The following C19orf47 variants were observed in gnomAD, a reference collection of about 807,000 sequenced individuals.
C19orf47 encodes the protein uncharacterized protein C19orf47.
In C19orf47, 18 loss-of-function variants were observed where a neutral mutation model predicts 32.3. The observed-to-expected ratio is 0.56, with a 90% CI of 0.39 to 0.83. The LOEUF (loss-of-function observed/expected upper bound fraction) is 0.83. Ranked by LOEUF, C19orf47 falls within the 40% of genes least tolerant of loss-of-function variation. The pLI, the probability that C19orf47 is intolerant of heterozygous loss-of-function variation, is 0.00. For synonymous variants in C19orf47, 202 were observed against 211.1 expected (o/e 0.96, Z 0.37); for missense variants, 484 against 531.6 (o/e 0.91, Z 0.88).
chr19:40,344,549 A>C (rs1296880645), intron 1 of C19orf47, among the ~76,000 whole-genome samples: 2 of 152,174 alleles, frequency 1.3e-5, no homozygotes, highest in Non-Finnish European at 2.9e-5. Context: ...AGGTCTCAGT[A>C]AGTCAGACAG....
intron 8 of C19orf47, among the ~76,000 whole-genome samples, chr19:40,322,737 C>T (rs1017957232): frequency 3.3e-5 from 5 of 152,198 alleles, no homozygotes; most frequent in African/African-American, 7.2e-5. Context: ...ATTCACTCCA[C>T]GAATATTTTG....
intron 1 of C19orf47, among the ~76,000 whole-genome samples, chr19:40,346,441 TCAAA>T (rs1182928077): frequency 7.1e-4 from 63 of 89,258 alleles, no homozygotes; most frequent in African/African-American, 2.4e-3. Flanking sequence ...AGACCTTGTC[TCAAA>T]TAAATAAATA....
At chr19:40,304,463 G>A in the C19orf47 span, among the ~76,000 whole-genome samples, 1 of 152,112 alleles carries the variant, frequency 6.6e-6, no homozygotes, top group Non-Finnish European at 1.5e-5. Flanking sequence ...CTGGAGGTTG[G>A]CACCACGCCC....
chr19:40,342,972 G>A (rs554327411), intron 1 of C19orf47, among the ~76,000 whole-genome samples: 9 of 152,302 alleles, frequency 5.9e-5, no homozygotes, highest in African/African-American at 1.9e-4. Context: ...ATGGTAGAAA[G>A]GTGGTGTTAA....
chr19:40,330,104 T>C (rs560301438), intron 5 of C19orf47, among the ~76,000 whole-genome samples: 17 of 152,332 alleles, frequency 1.1e-4, no homozygotes, highest in African/African-American at 4.1e-4. Flanking sequence ...CATCATTCAA[T>C]GTTCTAAAGT....
rs2077721557 is a variant in C19orf47 at position 40,321,747 on chromosome 19, G to A, written c.*135C>T. On this transcript the variant is annotated 3_prime_UTR_variant, in exon 9 of 9. Transcript: ENST00000683109. ...AATGGGGTGATCCCCCGAATGCTCG[G>A]GCCTAGCTCTAGAGCCCGAGGGAGA... 7 of 1,434,866 alleles carry A rather than the reference G, an allele frequency of 4.9e-6. No individual in the cohort carries two copies. Among genetic ancestry groups the A allele is most frequent in the South Asian group, 3.0e-5 (2 of 66,410 alleles). The allele number at this position is 1,434,866 out of a possible 1,614,324, so 88.9% of individuals were successfully genotyped here. A position where few individuals can be genotyped will look rare whatever the true frequency, so the allele number is the denominator to read the frequency against.
chr19:40,324,107 GC>G (rs776165874), intron 7 of C19orf47, 31 bp from the exon 8 acceptor site: 1 of 1,610,918 alleles, frequency 6.2e-7, no homozygotes, highest in South Asian at 1.1e-5. Flanking sequence ...TCAGGGAGAG[GC>G]CCCGGTGGGC....
intron 6 of C19orf47, among the ~76,000 whole-genome samples, chr19:40,326,813 T>C (rs1314857422): frequency 1.3e-5 from 2 of 152,086 alleles, no homozygotes; most frequent in Non-Finnish European, 2.9e-5. Context: ...GTTCTAGAGC[T>C]CCAAGCAGGC....
rs887341225 is a variant in C19orf47 at position 40,320,967 on chromosome 19, T to A, written c.*915A>T. ...ATGTGTGTGCAGGAAGCCTGACCTTTAGAGACACAGCCCAATCCTCTGCCA... is the reference window on the plus strand; with the variant it reads ...ATGTGTGTGCAGGAAGCCTGACCTTAAGAGACACAGCCCAATCCTCTGCCA... On this transcript the variant is annotated 3_prime_UTR_variant, in exon 9 of 9. Transcript: ENST00000683109. The A allele has an allele frequency of 6.5e-6, 1 of 154,438 alleles. No individual in the cohort carries two copies. Among genetic ancestry groups the A allele is most frequent in the African/African-American group, 2.4e-5 (1 of 41,450 alleles). 9.6% of individuals were successfully genotyped at this position (154,438 alleles called of 1,614,324 possible).
chr19:40,323,638 G>T (rs2077767107), intron 8 of C19orf47, among the ~76,000 whole-genome samples: 1 of 152,328 alleles, frequency 6.6e-6, no homozygotes, highest in Middle Eastern at 3.4e-3. Context: ...CTGACAGGGA[G>T]AGGTGGCAGA....
the C19orf47 span, among the ~76,000 whole-genome samples, chr19:40,302,310 G>A: frequency 6.6e-6 from 1 of 152,076 alleles, no homozygotes; most frequent in Non-Finnish European, 1.5e-5. Flanking sequence ...TATTACCCAG[G>A]CTGGAGTACA....
At chr19:40,322,992 C>A (rs531925187) in intron 8 of C19orf47, among the ~76,000 whole-genome samples, 1 of 152,206 alleles carries the variant, frequency 6.6e-6, no homozygotes, top group Non-Finnish European at 1.5e-5. Flanking sequence ...CCCTGAGGCA[C>A]CAACTTTGAA....
At position 40,320,948 on chromosome 19, in the gene C19orf47, G is replaced by A. The variant is rs189590307; in HGVS notation, c.*934C>T. 6.5e-6 allele frequency: 1 copy of A among 154,052 alleles called. No individual in the cohort carries two copies. The highest frequency in any genetic ancestry group is 2.4e-5 in the African/African-American group (1 of 41,570). 9.5% of individuals were successfully genotyped at this position (154,052 alleles called of 1,614,324 possible). On this transcript the variant is annotated 3_prime_UTR_variant, in exon 9 of 9. Transcript: ENST00000683109. ...TGCAGCAGGGACATGGACCATGTGT[G>A]TGCAGGAAGCCTGACCTTTAGAGAC...
At chr19:40,310,460 G>C in the C19orf47 span, among the ~76,000 whole-genome samples, 4 of 152,186 alleles carry the variant, frequency 2.6e-5, no homozygotes, top group African/African-American at 9.6e-5. Context: ...TGTATCTTTA[G>C]TAGAGATGGA....
chr19:40,326,990 T>C (rs998777190), intron 6 of C19orf47, among the ~76,000 whole-genome samples: 3 of 152,068 alleles, frequency 2.0e-5, no homozygotes, highest in African/African-American at 7.2e-5. Context: ...CGCAATACTT[T>C]GTTACACTGA....
the C19orf47 span, among the ~76,000 whole-genome samples, chr19:40,301,115 G>A: frequency 6.6e-6 from 1 of 151,924 alleles, no homozygotes; most frequent in Non-Finnish European, 1.5e-5. Flanking sequence ...CTGAACCGAG[G>A]CACTCCAGCC....
At chr19:40,294,103 G>T in the C19orf47 span, among the ~76,000 whole-genome samples, 1 of 152,122 alleles carries the variant, frequency 6.6e-6, no homozygotes, top group Non-Finnish European at 1.5e-5. Flanking sequence ...CTGGGCGACA[G>T]AGCAATAATC....
At chr19:40,311,731 C>G in the C19orf47 span, among the ~76,000 whole-genome samples, 1 of 151,940 alleles carries the variant, frequency 6.6e-6, no homozygotes, top group South Asian at 2.1e-4. Context: ...TCTCGGCTCA[C>G]TGCAATGTCT....
chr19:40,337,299 T>TTATTA (rs2078084360), intron 2 of C19orf47, among the ~76,000 whole-genome samples: 1 of 148,456 alleles, frequency 6.7e-6, no homozygotes, highest in Non-Finnish European at 1.5e-5. Context: ...ATTATTATTA[T>TTATTA]TATTATTATT....
Sources: gnomAD v4.1 joint callset for allele counts (sites outside exome capture counted in the v4.1 genomes callset) on GRCh38, gnomAD v4.1.1 for gene constraint, MANE v1.5 for transcripts, NCBI Gene and HGNC (gene_info 2026-07-23, HGNC 2026-07-21) for gene names.